Variants in TTR observed in about 807,000 individuals in gnomAD.
TTR encodes the protein transthyretin.
A neutral mutation model predicts 13.7 loss-of-function variants in TTR; 8 were observed. The ratio of observed to expected loss-of-function variants is 0.58; its 90% confidence interval spans 0.34 to 1.05. The LOEUF (loss-of-function observed/expected upper bound fraction) is 1.05. Among genes scored for constraint, TTR ranks in the 50% least tolerant of loss-of-function variants. The pLI is 0.02. For synonymous variants in TTR, 75 were observed against 71.7 expected, an observed-to-expected ratio of 1.05 and a Z score of -0.23; for missense variants, 135 against 185.5, an observed-to-expected ratio of 0.73 and a Z score of 1.58.
At chr18:31,597,881 T>C (rs2073524607) in intron 3 of TTR, among the ~76,000 whole-genome samples, 1 of 152,220 alleles carries the variant, frequency 6.6e-6, no homozygotes, top group South Asian at 2.1e-4. Flanking sequence ...AGTGCATGCA[T>C]ATATATTTCA....
chr18:31,593,536 T>C (rs1201948536), intron 2 of TTR: 1 of 168,668 alleles, frequency 5.9e-6, no homozygotes, highest in Non-Finnish European at 1.3e-5. Flanking sequence ...ACCAGGCATC[T>C]GTCTGTAGTT....
intron 3 of TTR, among the ~76,000 whole-genome samples, chr18:31,597,697 C>T (rs1228488285): frequency 6.6e-6 from 1 of 152,216 alleles, no homozygotes; most frequent in Non-Finnish European, 1.5e-5. Flanking sequence ...CACATCTTTA[C>T]TGTCTTCTAC....
At chr18:31,598,515 T>C in intron 3 of TTR, 53 bp from the exon 4 acceptor site, 1 of 1,568,588 alleles carries the variant, frequency 6.4e-7, no homozygotes, top group East Asian at 2.2e-5. Context: ...GTGTGTCATC[T>C]GTCACGTTTT....
intron 2 of TTR, among the ~76,000 whole-genome samples, chr18:31,594,473 C>T (rs1227863941): frequency 1.3e-5 from 2 of 152,162 alleles, no homozygotes; most frequent in Non-Finnish European, 2.9e-5. Context: ...GGGAGAGGAG[C>T]GAGATCCTGC....
chr18:31,592,050 C>T (rs1598843733), intron 1 of TTR, 79 bp downstream of exon 1: 1 of 1,488,842 alleles, frequency 6.7e-7, no homozygotes, highest in East Asian at 2.3e-5. Context: ...TCCAGCTTTG[C>T]CAACCAGCTT....
chr18:31,598,633 C>T lies in TTR; in HGVS notation c.402C>T (p.Tyr134=). The change falls in exon 4 of 4, where the codon TAC becomes TAT. Residue 134 remains tyrosine (Y), a synonymous_variant. Coordinates refer to ENST00000237014, the MANE Select transcript of TTR (RefSeq NM_000371.4). The stretch of plus-strand genomic sequence containing the variant: ...CCATTGCCGCCCTGCTGAGCCCCTA[C>T]TCCTATTCCACCACGGCTGTCGTCA... ...RYTIAALLSP[Y]SYSTTAVVTN... 3 of 1,614,218 alleles carry T rather than the reference C, an allele frequency of 1.9e-6. No individual in the cohort carries two copies. The highest frequency in any genetic ancestry group is 2.5e-6 in the Non-Finnish European group (3 of 1,180,048).
At chr18:31,592,092 T>A in intron 1 of TTR, 121 bp downstream of exon 1, 1 of 952,600 alleles carries the variant, frequency 1.0e-6, no homozygotes, top group South Asian at 1.4e-5. Context: ...CCAGCATCTA[T>A]TTTTAATATA....
In TTR at chr18:31,598,658, A is replaced by G; in HGVS notation, c.427A>G (p.Thr143Ala). 1 of 1,614,164 alleles carries G rather than the reference A, an allele frequency of 6.2e-7. No individual in the cohort carries two copies. Among genetic ancestry groups the G allele is most frequent in the Non-Finnish European group, 8.5e-7 (1 of 1,180,030 alleles). The change falls in exon 4 of 4, where the codon ACC becomes GCC. Residue 143 changes from threonine to alanine, a missense_variant. By Grantham distance (58) the Thr-to-Ala change is moderately conservative. Coordinates refer to ENST00000237014, the MANE Select transcript of TTR (RefSeq NM_000371.4). ...PYSYSTTAVVTNPKE is the reference protein window; with the variant it reads ...PYSYSTTAVVANPKE ...CTCCTATTCCACCACGGCTGTCGTC[A>G]CCAATCCCAAGGAATGAGGGACTTC...
At chr18:31,596,155 T>G (rs535897058) in intron 3 of TTR, 1 of 154,606 alleles carries the variant, frequency 6.5e-6, no homozygotes, top group East Asian at 1.9e-4. Flanking sequence ...TTGAAACAGA[T>G]GGCTGTCATG....
At chr18:31,593,268 C>G in intron 2 of TTR, 1 of 463,256 alleles carries the variant, frequency 2.2e-6, no homozygotes, top group South Asian at 2.1e-5. Flanking sequence ...CAGAACTCCT[C>G]TCCTCTAGCT....
intron 1 of TTR, among the ~76,000 whole-genome samples, 165 bp downstream of exon 1, chr18:31,592,136 C>A (rs1268022113): frequency 1.3e-5 from 2 of 152,224 alleles, no homozygotes; most frequent in Non-Finnish European, 2.9e-5. Context: ...TGAAGTTCCA[C>A]TGAGCTTACT....
At chr18:31,594,751 C>A (rs2073507461) in intron 2 of TTR, among the ~76,000 whole-genome samples, 1 of 152,018 alleles carries the variant, frequency 6.6e-6, no homozygotes, top group Non-Finnish European at 1.5e-5. Flanking sequence ...GTAATCCCAG[C>A]TAATTGGGAG....
chr18:31,597,423 A>G (rs1361120094), intron 3 of TTR: 2 of 152,210 alleles, frequency 1.3e-5, no homozygotes, highest in African/African-American at 2.4e-5. Flanking sequence ...CAATGTCACC[A>G]TAAGACAAAA....
At chr18:31,598,096 G>A (rs1227170642) in intron 3 of TTR, 1 of 299,094 alleles carries the variant, frequency 3.3e-6, no homozygotes, top group Non-Finnish European at 6.6e-6. Context: ...TGTAGACTGG[G>A]ACAATACAAT....
chr18:31,594,982 C>A (rs2073509142), intron 2 of TTR, 138 bp from the exon 3 acceptor site: 3 of 1,018,178 alleles, frequency 2.9e-6, no homozygotes, highest in Admixed American at 2.0e-5. Context: ...GTTTTCCCTA[C>A]TTCTGACTTA....
chr18:31,597,563 C>G (rs904140749), intron 3 of TTR, among the ~76,000 whole-genome samples: 1 of 152,190 alleles, frequency 6.6e-6, no homozygotes, highest in African/African-American at 2.4e-5. Context: ...TCACTCAGAT[C>G]CTTTTTTCCT....
At chr18:31,594,616 C>T (rs923807935) in intron 2 of TTR, among the ~76,000 whole-genome samples, 1 of 152,216 alleles carries the variant, frequency 6.6e-6, no homozygotes, top group Non-Finnish European at 1.5e-5. Flanking sequence ...GTAATCCCAG[C>T]ACTTTGGGAT....
intron 3 of TTR, chr18:31,597,009 T>C: frequency 6.6e-6 from 1 of 152,150 alleles, no homozygotes; most frequent in East Asian, 1.9e-4. Flanking sequence ...TGGAAACTTT[T>C]ATTAGGAGCT....
chr18:31,597,591 C>T (rs1287459988), intron 3 of TTR, among the ~76,000 whole-genome samples: 3 of 152,164 alleles, frequency 2.0e-5, no homozygotes, highest in African/African-American at 2.4e-5. Flanking sequence ...CTAAGTAATC[C>T]GGGTTTCTTT....
Sources: allele counts gnomAD v4.1 joint callset (sites outside exome capture counted in the v4.1 genomes callset), GRCh38; gene constraint gnomAD v4.1.1; transcripts MANE v1.5; gene names NCBI Gene and HGNC (gene_info 2026-07-23, HGNC 2026-07-21).